CDH13: variants seen among roughly 807,000 people sequenced by gnomAD.
The protein encoded by CDH13 is cadherin-13.
CDH13 carries 24 observed loss-of-function variants against 63.8 expected under a neutral mutation model. The observed-to-expected ratio is 0.38, with a 90% CI of 0.27 to 0.53. CDH13 has a LOEUF of 0.53. Ranked by LOEUF, CDH13 falls within the 20% of genes least tolerant of loss-of-function variation. The pLI is 0.85. For synonymous variants in CDH13, 503 were observed against 355.3 expected (o/e 1.42, Z -4.67); for missense variants, 1,049 against 903.1 (o/e 1.16, Z -2.07).
intron 2 of CDH13, among the ~76,000 whole-genome samples, chr16:83,018,791 T>C (rs112240187): frequency 2.6e-5 from 4 of 152,374 alleles, no homozygotes; most frequent in African/African-American, 7.2e-5. Context: ...CACGGTGCTG[T>C]ACTGAGTGCT....
intron 5 of CDH13, among the ~76,000 whole-genome samples, chr16:83,275,646 C>T (rs763845584): frequency 1.6e-5 from 2 of 123,716 alleles, no homozygotes; most frequent in Non-Finnish European, 1.7e-5. Flanking sequence ...AGGAGTGAGC[C>T]TTATGACTCT....
In CDH13 at chr16:82,644,190, C is replaced by T. The variant is rs78197430; in HGVS notation, c.45+17053C>T. On this transcript the variant is annotated intron_variant, in intron 1 of 13. Transcript: ENST00000567109. The surrounding 1 kb of genome is among the most constrained non-coding windows in gnomAD (Gnocchi z 5.7). The stretch of plus-strand genomic sequence containing the variant: ...CCAAATTAACATGAATGTTTGGCAC[C>T]CTTTGGCTGGTGCGGCTGAAGAATT... Among the ~76,000 whole-genome samples the T allele has an allele frequency of 6.6e-6, 1 of 152,002 alleles. No homozygotes were observed. Among genetic ancestry groups the T allele is most frequent in the Non-Finnish European group, 1.5e-5 (1 of 68,012 alleles).
chr16:83,632,515 C>A (rs1425165452), intron 8 of CDH13, among the ~76,000 whole-genome samples: 2 of 151,960 alleles, frequency 1.3e-5, no homozygotes, highest in Admixed American at 1.3e-4. Flanking sequence ...CCCTCCAGTT[C>A]TCAGATCAGG....
chr16:83,358,539 T>C (rs997441984), intron 6 of CDH13, among the ~76,000 whole-genome samples: 1 of 152,236 alleles, frequency 6.6e-6, no homozygotes, highest in Admixed American at 6.5e-5. Context: ...CTCAGTGTTA[T>C]GTTGAATTCC....
chr16:83,033,606 C>T (rs1916581406), intron 3 of CDH13, among the ~76,000 whole-genome samples: 1 of 152,174 alleles, frequency 6.6e-6, no homozygotes, highest in Admixed American at 6.5e-5. Context: ...TGCCAGGCAG[C>T]AGTGCTTGTT....
chr16:83,426,742 T>G (rs2071913478), intron 6 of CDH13, among the ~76,000 whole-genome samples: 1 of 151,914 alleles, frequency 6.6e-6, no homozygotes, highest in Non-Finnish European at 1.5e-5. Context: ...CCTAAGCCCT[T>G]AGTGATTATG....
chr16:83,301,435 T>C (rs6563891), intron 5 of CDH13, among the ~76,000 whole-genome samples: 151,501 of 152,234 alleles, frequency 1, 75,391 homozygotes, highest in Non-Finnish European at 1. Context: ...TTTTACCCAG[T>C]ACCTTGTTTA....
chr16:83,229,895 C>A (rs1368977968), intron 5 of CDH13, among the ~76,000 whole-genome samples: 1 of 152,156 alleles, frequency 6.6e-6, no homozygotes, highest in Non-Finnish European at 1.5e-5. Flanking sequence ...AGAGTAATAG[C>A]AAACTGGAGA....
chr16:83,603,987 A>G (rs140793257), intron 8 of CDH13, among the ~76,000 whole-genome samples: 91 of 152,230 alleles, frequency 6.0e-4, no homozygotes, highest in Non-Finnish European at 1.1e-3. Flanking sequence ...TGAGAATTTT[A>G]TCATGAGACA....
chr16:83,168,070 A>G (rs1051883113), intron 4 of CDH13, among the ~76,000 whole-genome samples: 32 of 151,746 alleles, frequency 2.1e-4, no homozygotes, highest in African/African-American at 7.3e-4. Flanking sequence ...AAAGAGGGGT[A>G]TGAGGGTTGA....
chr16:83,358,727 A>G (rs2091103256), intron 6 of CDH13, among the ~76,000 whole-genome samples: 1 of 152,096 alleles, frequency 6.6e-6, no homozygotes, highest in Non-Finnish European at 1.5e-5. Context: ...CAGTTTTCCT[A>G]TGGTAATCAG....
At position 83,758,752 on chromosome 16, in the gene CDH13, T is replaced by C. The variant is rs1913716659; in HGVS notation, c.1681+10502T>C. On this transcript the variant is annotated intron_variant, in intron 11 of 13. Transcript: ENST00000567109. ...ACCCCAGCAGTAAGCAAATGGAAAA[T>C]AAAATTCTAAAAGATACTGTTTGCA... Among the ~76,000 whole-genome samples, 3 of 152,206 alleles carry C rather than the reference T, an allele frequency of 2.0e-5. No individual in the cohort carries two copies. The South Asian group carries it at 6.2e-4, about 32-fold the overall frequency.
intron 4 of CDH13, among the ~76,000 whole-genome samples, chr16:83,133,239 G>A (rs991841372): frequency 2.6e-5 from 4 of 152,062 alleles, no homozygotes; most frequent in Admixed American, 6.6e-5. Context: ...TACTGAAAAC[G>A]CAATGTCCAC....
At chr16:83,663,599 A>G (rs1327112005) in intron 8 of CDH13, among the ~76,000 whole-genome samples, 4 of 152,172 alleles carry the variant, frequency 2.6e-5, no homozygotes, top group African/African-American at 2.4e-5. Context: ...AAGATGTGAC[A>G]TTCAGCATTT....
intron 3 of CDH13, among the ~76,000 whole-genome samples, chr16:83,068,054 C>T (rs1049037539): frequency 2.6e-5 from 4 of 152,196 alleles, no homozygotes; most frequent in African/African-American, 9.7e-5. Flanking sequence ...CATATGACTG[C>T]CACTTTGTGA....
Position 83,525,755 on chromosome 16 carries a change from T to C in CDH13, c.960+39100T>C, listed in dbSNP as rs377378564. On this transcript the variant is annotated intron_variant, in intron 7 of 13. Transcript: ENST00000567109. ...TTCTGAGTTATCTTGGTGGATCCAC[T>C]CTAATCCAATGAGTCCTTAAAATGA... is the stretch of plus-strand genomic sequence containing the variant. Among the ~76,000 whole-genome samples, 577 of 152,322 alleles carry C rather than the reference T, an allele frequency of 3.8e-3. 3 individuals are homozygous for C. Among genetic ancestry groups the C allele is most frequent in the African/African-American group, 0.013 (558 of 41,582 alleles).
chr16:83,116,494 CT>C (rs2035301729), intron 3 of CDH13, among the ~76,000 whole-genome samples: 1 of 152,184 alleles, frequency 6.6e-6, no homozygotes, highest in South Asian at 2.1e-4. Flanking sequence ...GCTGCAGCCC[CT>C]TCTGTTTAGT....
At chr16:82,959,656 A>G (rs1222067898) in intron 2 of CDH13, among the ~76,000 whole-genome samples, 2 of 152,232 alleles carry the variant, frequency 1.3e-5, no homozygotes, top group Non-Finnish European at 2.9e-5. Flanking sequence ...GTAAGTGAGA[A>G]GACTCTTTTT....
intron 2 of CDH13, among the ~76,000 whole-genome samples, chr16:82,912,941 TAAAA>T (rs761888655): frequency 4.6e-5 from 6 of 129,104 alleles, no homozygotes; most frequent in African/African-American, 1.1e-4. Flanking sequence ...AGACTGTGAC[TAAAA>T]AAAAAAAAAA....
Sources: gnomAD v4.1 joint callset for allele counts (sites outside exome capture counted in the v4.1 genomes callset) on GRCh38, gnomAD v4.1.1 for gene constraint, Gnocchi (gnomAD v3.1) non-coding constraint, MANE v1.5 for transcripts, NCBI Gene and HGNC (gene_info 2026-07-23, HGNC 2026-07-21) for gene names.